The following WWOX variants were observed in gnomAD, a reference collection of about 807,000 sequenced individuals.
WWOX encodes the protein WW domain-containing oxidoreductase.
Under a neutral mutation model 46.2 loss-of-function variants are expected in WWOX, and 69 were observed. That is an observed-to-expected ratio of 1.49 (90% CI 1.23 to 1.82). The LOEUF (loss-of-function observed/expected upper bound fraction) is 1.82. Ranked by LOEUF, WWOX falls within the 40% of genes most tolerant of loss-of-function variation. The pLI is 0.00. For synonymous variants in WWOX, 359 were observed against 202.6 expected (o/e 1.77, Z -6.56); for missense variants, 919 against 542.6 (o/e 1.69, Z -6.89).
chr16:78,179,265 G>A (rs1322821337), intron 5 of WWOX, among the ~76,000 whole-genome samples: 1 of 152,200 alleles, frequency 6.6e-6, no homozygotes, highest in East Asian at 1.9e-4. Flanking sequence ...AAACCTAATA[G>A]GGTGAAAAAT....
intron 5 of WWOX, among the ~76,000 whole-genome samples, chr16:78,192,898 T>C (rs1299405786): frequency 1.3e-5 from 2 of 152,222 alleles, no homozygotes; most frequent in Non-Finnish European, 2.9e-5. Context: ...AAGGATGGCG[T>C]ATTGGCCACC....
intron 8 of WWOX, among the ~76,000 whole-genome samples, chr16:79,150,383 A>G (rs1291583682): frequency 1.4e-4 from 22 of 152,236 alleles, no homozygotes; most frequent in Admixed American, 1.2e-3. Flanking sequence ...ATAGCATAGC[A>G]TAGGGCAGTT....
chr16:78,646,518 C>T (rs1054201816), intron 8 of WWOX, among the ~76,000 whole-genome samples: 1 of 152,054 alleles, frequency 6.6e-6, no homozygotes, highest in African/African-American at 2.4e-5. Context: ...TCCCCTGTCT[C>T]CCGGATTCAA....
At chr16:78,510,412 A>G (rs1457939050) in intron 8 of WWOX, among the ~76,000 whole-genome samples, 1 of 151,922 alleles carries the variant, frequency 6.6e-6, no homozygotes, top group African/African-American at 2.4e-5. Flanking sequence ...CACCCTTTTG[A>G]TTGGTTGGCC....
At chr16:78,935,544 G>A (rs1426315549) in intron 8 of WWOX, among the ~76,000 whole-genome samples, 1 of 150,878 alleles carries the variant, frequency 6.6e-6, no homozygotes, top group Non-Finnish European at 1.5e-5. Context: ...CTAATAGGTG[G>A]GAATTGAACA....
chr16:78,975,104 C>G (rs2046545169), intron 8 of WWOX, among the ~76,000 whole-genome samples: 1 of 152,108 alleles, frequency 6.6e-6, no homozygotes, highest in Admixed American at 6.5e-5. Context: ...TAACTCTGGA[C>G]CAGAATTGAT....
intron 8 of WWOX, among the ~76,000 whole-genome samples, chr16:78,777,994 A>G (rs1354781470): frequency 3.3e-5 from 5 of 149,498 alleles, no homozygotes; most frequent in Admixed American, 6.7e-5. Flanking sequence ...GTAGTGAGCC[A>G]AGATCGCATC....
intron 5 of WWOX, among the ~76,000 whole-genome samples, chr16:78,232,800 T>G (rs2037308809): frequency 6.6e-6 from 1 of 152,120 alleles, no homozygotes; most frequent in South Asian, 2.1e-4. Context: ...ATCAAGAAAT[T>G]AAAAAGGAAT....
At chr16:78,727,225 C>G (rs567875894) in intron 8 of WWOX, among the ~76,000 whole-genome samples, 32 of 152,246 alleles carry the variant, frequency 2.1e-4, no homozygotes, top group African/African-American at 7.2e-4. Flanking sequence ...ATGGTGAAAC[C>G]CTGTCTCTAC....
intron 8 of WWOX, among the ~76,000 whole-genome samples, chr16:78,607,320 C>T (rs901796584): frequency 1.3e-5 from 2 of 152,040 alleles, no homozygotes; most frequent in Admixed American, 6.5e-5. Context: ...CCTGTGAGTA[C>T]GTAAATGAAA....
intron 8 of WWOX, among the ~76,000 whole-genome samples, chr16:78,519,741 A>G (rs1472218220): frequency 1.3e-5 from 2 of 152,090 alleles, no homozygotes; most frequent in Admixed American, 6.5e-5. Context: ...CCATTTTACC[A>G]TGTGAGGAGC....
At chr16:79,115,300 C>T (rs2049493621) in intron 8 of WWOX, among the ~76,000 whole-genome samples, 1 of 152,178 alleles carries the variant, frequency 6.6e-6, no homozygotes, top group Admixed American at 6.5e-5. Context: ...GAAAAAGAAA[C>T]TTTCAATGTA....
At chr16:78,654,997 G>A (rs1221249017) in intron 8 of WWOX, among the ~76,000 whole-genome samples, 1 of 152,082 alleles carries the variant, frequency 6.6e-6, no homozygotes, top group Non-Finnish European at 1.5e-5. Flanking sequence ...ACATCCAAAT[G>A]TCTGAGTTTA....
intron 3 of WWOX, chr16:78,111,951 ACCCTG>A (rs2032515041): frequency 6.5e-6 from 1 of 154,736 alleles, no homozygotes; most frequent in Admixed American, 6.4e-5. Flanking sequence ...CACCCTCCTT[ACCCTG>A]CCCCCTTGTC....
intron 8 of WWOX, among the ~76,000 whole-genome samples, chr16:78,520,355 C>T (rs1428642794): frequency 6.6e-6 from 1 of 152,180 alleles, no homozygotes; most frequent in African/African-American, 2.4e-5. Flanking sequence ...AGTAATTTGA[C>T]CAGCCCATCA....
intron 8 of WWOX, among the ~76,000 whole-genome samples, chr16:78,948,808 A>G (rs1196264366): frequency 2.0e-5 from 3 of 152,152 alleles, no homozygotes; most frequent in Non-Finnish European, 2.9e-5. Context: ...AAGGTAACTA[A>G]TCAGCTGACT....
At position 79,212,081 on chromosome 16, in the gene WWOX, T is replaced by C; in HGVS notation, c.*285T>C. 6.5e-7 allele frequency: 1 copy of C among 1,536,284 alleles called. No individual in the cohort carries two copies. The highest frequency in any genetic ancestry group is 1.2e-5 in the South Asian group (1 of 84,048). The stretch of plus-strand genomic sequence containing the variant: ...CTGCTTGGTGTGTAGGTTCCGTATC[T>C]CCCTGGAGAAGCACCAGCAATTCTC... On this transcript the variant is annotated 3_prime_UTR_variant, in exon 9 of 9. Transcript: ENST00000566780.
At chr16:78,604,986 C>T (rs1393339273) in intron 8 of WWOX, among the ~76,000 whole-genome samples, 2 of 100,918 alleles carry the variant, frequency 2.0e-5, no homozygotes, top group Non-Finnish European at 4.0e-5. Context: ...TCCTTCCTCC[C>T]TCCCTCACTC....
intron 8 of WWOX, among the ~76,000 whole-genome samples, chr16:78,908,079 G>A (rs1008832922): frequency 6.6e-6 from 1 of 152,184 alleles, no homozygotes; most frequent in African/African-American, 2.4e-5. Flanking sequence ...CAAATTGCAG[G>A]ATAACAAGGC....
Sources: gnomAD v4.1 joint callset for allele counts (sites outside exome capture counted in the v4.1 genomes callset) on GRCh38, gnomAD v4.1.1 for gene constraint, MANE v1.5 for transcripts, NCBI Gene and HGNC (gene_info 2026-07-23, HGNC 2026-07-21) for gene names.